The following ZNF814 variants were observed in gnomAD, a reference collection of about 807,000 sequenced individuals.
ZNF814 encodes the protein zinc finger protein 814.
Under a neutral mutation model 7.5 loss-of-function variants are expected in ZNF814, and 5 were observed. The ratio of observed to expected loss-of-function variants is 0.67; its 90% CI spans 0.35 to 1.40. The LOEUF (loss-of-function observed/expected upper bound fraction) is 1.40, where lower values mean the gene tolerates loss of function less well. Ranked by LOEUF, ZNF814 falls within the 40% of genes most tolerant of loss-of-function variation. ZNF814 has a pLI of 0.04. For synonymous variants in ZNF814, 315 were observed against 340.7 expected (o/e 0.92, Z 0.83); for missense variants, 962 against 1,018.0 (o/e 0.94, Z 0.75).
At position 57,873,015 on chromosome 19, in the gene ZNF814, CTTTTGTG is replaced by C. The variant is rs745356017; in HGVS notation, c.2368_2374del (p.His790GlufsTer121). On this transcript the variant is annotated frameshift_variant, in exon 3 of 3. Transcript: ENST00000435989. LOFTEE classifies it low-confidence loss of function (END_TRUNC). Reference sequence around the variant, plus strand: ...ATAAGGCTTTTCTCCAGTGTGAACTCTTTTGTGTTTTGTGAAACTGGAGCTTTCAGCG... The same window carrying C: ...ATAAGGCTTTTCTCCAGTGTGAACTCTTTTGTGAAACTGGAGCTTTCAGCG... 9 of 1,613,764 alleles carry C rather than the reference CTTTTGTG, an allele frequency of 5.6e-6. No individual in the cohort carries two copies. The highest frequency in any genetic ancestry group is 6.8e-6 in the Non-Finnish European group (8 of 1,179,880).
intron 1 of ZNF814, among the ~76,000 whole-genome samples, chr19:57,887,819 A>G (rs187077158): frequency 6.6e-6 from 1 of 152,286 alleles, no homozygotes; most frequent in East Asian, 1.9e-4. Context: ...TAAAGCCTTG[A>G]GTTTGTGTCT....
chr19:57,873,199 G>C lies in ZNF814; in HGVS notation c.2191C>G (p.Leu731Val). 1 of 1,612,852 alleles carries C rather than the reference G, an allele frequency of 6.2e-7. No individual in the cohort carries two copies. The highest frequency in any genetic ancestry group is 8.5e-7 in the Non-Finnish European group (1 of 1,179,556). ...GTGTGAACTCTCTGATGTGCAATGA[G>C]TTGGTACTTGTTTCTAAAAAATTTC... ...CQKFFRNKYQ[L>V]IAHQRVHTGE... is the part of the protein sequence containing the mutation. Residue 731 changes from leucine to valine, a missense_variant, in exon 3 of 3, where the codon CTC (leucine) becomes GTC (valine). Physicochemically the swap from Leu to Val is conservative, Grantham distance 32 (BLOSUM62 1). Coordinates refer to ENST00000435989, the MANE Select transcript of ZNF814 (RefSeq NM_001144989.2).
Position 57,873,348 on chromosome 19 carries a change from C to A in ZNF814, c.2042G>T (p.Gly681Val). Residue 681 changes from glycine to valine, a missense_variant, in exon 3 of 3, where the codon GGC becomes GTC. Physicochemically the swap from Gly to Val is moderately radical, Grantham distance 109. Transcript: ENST00000435989. ...HKGNLILHQH[G>V]HTGERPYVCR... ...TACATAAGGTCTTTCTCCAGTATGG[C>A]CATGCTGGTGTAGAATGAGGTTACC... 1.3e-6 allele frequency: 2 copies of A among 1,595,946 alleles called. No individual in the cohort carries two copies. Among genetic ancestry groups the A allele is most frequent in the Non-Finnish European group, 1.7e-6 (2 of 1,170,958 alleles).
the ZNF814 span, among the ~76,000 whole-genome samples, chr19:57,895,519 G>A: frequency 3.3e-5 from 5 of 151,794 alleles, no homozygotes; most frequent in Admixed American, 1.3e-4. Flanking sequence ...CAGGCAATCC[G>A]CCCGCCTCGG....
chr19:57,873,892 A>G lies in ZNF814; in HGVS notation c.1498T>C (p.Ser500Pro), dbSNP rs1229749945. ...RPYQCGECGK[S>P]FSQKGNLVLH... ...ACGAGGTTGCCCTTTTGACTGAAAG[A>G]TTTCCCACATTCTCCACACTGATAA... The change falls in exon 3 of 3, where the codon TCT (serine) becomes CCT (proline). Residue 500 changes from serine to proline, a missense_variant. This residue lies in a region of ZNF814 where 665 missense variants were observed against 551.4 expected (regional missense o/e 1.21). Coordinates refer to ENST00000435989, the MANE Select transcript of ZNF814 (RefSeq NM_001144989.2). 17 of 1,613,466 alleles carry G rather than the reference A, an allele frequency of 1.1e-5. No individual in the cohort carries two copies. In the African/African-American group the frequency reaches 1.3e-4, roughly 13 times the overall value.
At chr19:57,884,139 G>C (rs1025344576) in intron 1 of ZNF814, among the ~76,000 whole-genome samples, 1 of 152,126 alleles carries the variant, frequency 6.6e-6, no homozygotes, top group Non-Finnish European at 1.5e-5. Flanking sequence ...AAGTTAAAAA[G>C]CTTCTGTACA....
chr19:57,898,652 G>C, the ZNF814 span, among the ~76,000 whole-genome samples: 1 of 152,134 alleles, frequency 6.6e-6, no homozygotes, highest in Non-Finnish European at 1.5e-5. Context: ...TTGTTATTAA[G>C]AAAAAAATCA....
At chr19:57,902,378 A>G in the ZNF814 span, among the ~76,000 whole-genome samples, 1 of 152,214 alleles carries the variant, frequency 6.6e-6, no homozygotes, top group Non-Finnish European at 1.5e-5. Context: ...AGAACCATAC[A>G]CGGTACATTC....
At chr19:57,896,342 A>ATC in the ZNF814 span, among the ~76,000 whole-genome samples, 1 of 152,212 alleles carries the variant, frequency 6.6e-6, no homozygotes, top group South Asian at 2.1e-4. The surrounding 1 kb of genome is among the most constrained non-coding windows in gnomAD (Gnocchi z 4.2). Context: ...GTGTGTAAAA[A>ATC]ACTAACTTCA....
At position 57,888,999 on chromosome 19, in the gene ZNF814, G is replaced by A. The variant is rs1487450449; in HGVS notation, c.-197C>T. 10 of 592,716 alleles carry A rather than the reference G, an allele frequency of 1.7e-5. No individual in the cohort carries two copies. The highest frequency in any genetic ancestry group is 1.1e-4 in the South Asian group (5 of 44,840). The allele number at this position is 592,716 out of a possible 1,614,324, so 36.7% of individuals were successfully genotyped here. A position where few individuals can be genotyped will look rare whatever the true frequency, so the allele number is the denominator to read the frequency against. ...CACCACAGTGCGGACCTAGCGCTCA[G>A]GAGCCTCTCCTACAAATAAATCCAA... On this transcript the variant is annotated 5_prime_UTR_variant, in exon 1 of 3. Coordinates refer to ENST00000435989, the MANE Select transcript of ZNF814 (RefSeq NM_001144989.2).
At chr19:57,886,771 T>G (rs528968876) in intron 1 of ZNF814, among the ~76,000 whole-genome samples, 88 of 150,428 alleles carry the variant, frequency 5.8e-4, no homozygotes, top group Admixed American at 1.1e-3. Flanking sequence ...TCCCAGCTAC[T>G]CGGGAGGCTG....
chr19:57,890,994 GGA>G (rs2071731642), upstream of ZNF814, among the ~76,000 whole-genome samples: 2 of 137,126 alleles, frequency 1.5e-5, no homozygotes, highest in Non-Finnish European at 3.4e-5. Flanking sequence ...GGATGAGATA[GGA>G]GGTCAGCACA....
In ZNF814 at chr19:57,888,979, C is replaced by T; in HGVS notation, c.-177G>A. On this transcript the variant is annotated 5_prime_UTR_variant, in exon 1 of 3. It adds an upstream start codon to the 5' untranslated region. Coordinates refer to ENST00000435989, the MANE Select transcript of ZNF814 (RefSeq NM_001144989.2). ...CCCCGACTTCTGGGTTCAGTCACCACAGTGCGGACCTAGCGCTCAGGAGCC... is the reference window on the plus strand; with the variant it reads ...CCCCGACTTCTGGGTTCAGTCACCATAGTGCGGACCTAGCGCTCAGGAGCC... 3.1e-6 allele frequency: 2 copies of T among 642,918 alleles called. No individual in the cohort carries two copies. Among genetic ancestry groups the T allele is most frequent in the South Asian group, 4.0e-5 (2 of 50,024 alleles). The allele number at this position is 642,918 out of a possible 1,614,324, so 39.8% of individuals were successfully genotyped here. A position where few individuals can be genotyped will look rare whatever the true frequency, so the allele number is the denominator to read the frequency against.
chr19:57,878,917 A>ACACACG (rs2122444803), intron 1 of ZNF814, among the ~76,000 whole-genome samples: 1 of 152,256 alleles, frequency 6.6e-6, no homozygotes, highest in African/African-American at 2.4e-5. Context: ...ATGCACACAC[A>ACACACG]CACACGCACA....
rs2122404794 is a variant in ZNF814 at position 57,870,094 on chromosome 19, G to A, written c.*2728C>T. ...TCTCTAGTAAAGATACAAAAAATTA[G>A]CTGGGTATGGTGGCGGGCACCTGTA... is the stretch of plus-strand genomic sequence containing the variant. On this transcript the variant is annotated 3_prime_UTR_variant, in exon 3 of 3. Transcript: ENST00000435989. The A allele has an allele frequency of 6.6e-6, 1 of 152,102 alleles. No homozygotes were observed. The highest frequency in any genetic ancestry group is 2.4e-5 in the African/African-American group (1 of 41,498). The allele number at this position is 152,102 out of a possible 1,614,324, so 9.4% of individuals were successfully genotyped here. A position where few individuals can be genotyped will look rare whatever the true frequency, so the allele number is the denominator to read the frequency against.
At chr19:57,888,491 G>T (rs1381163127) in intron 1 of ZNF814, among the ~76,000 whole-genome samples, 1 of 152,126 alleles carries the variant, frequency 6.6e-6, no homozygotes, top group Non-Finnish European at 1.5e-5. Flanking sequence ...CTTCCAGGAG[G>T]AGCTCCGCCT....
chr19:57,888,901 G>A lies in ZNF814; in HGVS notation c.-99C>T, dbSNP rs537553197. On this transcript the variant is annotated 5_prime_UTR_variant, in exon 1 of 3. Coordinates refer to ENST00000435989, the MANE Select transcript of ZNF814 (RefSeq NM_001144989.2). The stretch of plus-strand genomic sequence containing the variant: ...TCCTGGCCCAGGAGTGGGTCACGCT[G>A]GGCGCCGTCACAGAGCTCCAGAGTA... The A allele has an allele frequency of 3.6e-6, 5 of 1,374,584 alleles. No homozygotes were observed. Among genetic ancestry groups the A allele is most frequent in the Admixed American group, 2.0e-5 (1 of 49,180 alleles). 85.1% of individuals were successfully genotyped at this position (1,374,584 alleles called of 1,614,324 possible). A position where few individuals can be genotyped will look rare whatever the true frequency, so the allele number is the denominator to read the frequency against.
the ZNF814 span, among the ~76,000 whole-genome samples, chr19:57,902,625 C>T: frequency 2.6e-5 from 4 of 151,746 alleles, no homozygotes; most frequent in South Asian, 2.1e-4. Flanking sequence ...AAATTGTGTC[C>T]GACCACCTTT....
chr19:57,904,466 A>G, the ZNF814 span, among the ~76,000 whole-genome samples: 1 of 151,980 alleles, frequency 6.6e-6, no homozygotes, highest in Non-Finnish European at 1.5e-5. Context: ...TCACCCCAAC[A>G]CTTTGCCTCC....
Sources: gnomAD v4.1 joint callset for allele counts (sites outside exome capture counted in the v4.1 genomes callset) on GRCh38, gnomAD v4.1.1 for gene constraint, gnomAD v4.1.1 regional missense constraint, Gnocchi (gnomAD v3.1) non-coding constraint, MANE v1.5 for transcripts, NCBI Gene and HGNC (gene_info 2026-07-23, HGNC 2026-07-21) for gene names.